TTYH3: variants seen among roughly 807,000 people sequenced by gnomAD.
TTYH3 encodes the protein protein tweety homolog 3.
A neutral mutation model predicts 68.2 loss-of-function variants in TTYH3; 23 were observed. That is an observed-to-expected ratio of 0.34 (90% confidence interval 0.24 to 0.48). TTYH3 has a LOEUF of 0.48. TTYH3 is among the 20% of genes least tolerant of loss of function. The probability of loss-of-function intolerance (pLI) is 0.99; values close to 1 mark genes in which losing one functional copy is unlikely to be tolerated. For missense variants in TTYH3, 768 were observed against 727.7 expected, an observed-to-expected ratio of 1.06 and a Z score of -0.64; for synonymous variants, 360 against 332.8, an observed-to-expected ratio of 1.08 and a Z score of -0.89.
At chr7:2,633,067 G>T (rs1381406125) in intron 1 of TTYH3, among the ~76,000 whole-genome samples, 1 of 152,116 alleles carries the variant, frequency 6.6e-6, no homozygotes, top group African/African-American at 2.4e-5. Context: ...GGAGCCCTTA[G>T]CCTGGCATCA....
At chr7:2,658,842 C>T in intron 12 of TTYH3, 98 bp from the exon 13 acceptor site, 1 of 1,161,452 alleles carries the variant, frequency 8.6e-7, no homozygotes, top group Non-Finnish European at 1.3e-6. Flanking sequence ...ATGGATGTGC[C>T]CATCTGGGCA....
chr7:2,637,086 A>G (rs10263629), intron 1 of TTYH3, among the ~76,000 whole-genome samples: 1,883 of 152,122 alleles, frequency 0.012, 31 homozygotes, highest in African/African-American at 0.044. Context: ...GGGCCACTCC[A>G]GTCTGTGTGT....
chr7:2,656,226 G>C, intron 10 of TTYH3, 42 bp downstream of exon 10: 1 of 1,551,584 alleles, frequency 6.4e-7, no homozygotes, highest in East Asian at 2.4e-5. Context: ...CAGCTTGTAG[G>C]GTGGGAACAG....
At chr7:2,646,079 A>G (rs1269476420) in intron 1 of TTYH3, among the ~76,000 whole-genome samples, 2 of 151,586 alleles carry the variant, frequency 1.3e-5, no homozygotes, top group Non-Finnish European at 2.9e-5. Flanking sequence ...CAGTGGTGCA[A>G]TCTCGGCTCA....
At position 2,647,591 on chromosome 7, in the gene TTYH3, G is replaced by A. The variant is rs763773839; in HGVS notation, c.579G>A (p.Val193=). Reference sequence around the variant, plus strand: ...TCCCCTTTTGGAGGAACACGGCGGTGTCGCTGGAGGTGCTGGCGGAGCAGG... The same window carrying A: ...TCCCCTTTTGGAGGAACACGGCGGTATCGCTGGAGGTGCTGGCGGAGCAGG... ...AAIPFWRNTA[V]SLEVLAEQVD... is the part of the protein sequence containing the mutation. Residue 193 remains valine, a synonymous_variant, in exon 4 of 14, where the codon GTG becomes GTA. Coordinates refer to ENST00000258796, the MANE Select transcript of TTYH3 (RefSeq NM_025250.3). 1.3e-6 allele frequency: 2 copies of A among 1,574,548 alleles called. No individual in the cohort carries two copies. The highest frequency in any genetic ancestry group is 1.7e-6 in the Non-Finnish European group (2 of 1,160,986).
rs942842228 is a variant in TTYH3, at chr7:2,649,812, C to T, written c.796-101C>T. On this transcript the variant is annotated intron_variant, in intron 6 of 13. Transcript: ENST00000258796. ...TAACCCCAGATTCACAGTCCACCCTCCTGAGTTGAAAGCAGACTCCAGGGG... is the reference window on the plus strand; with the variant it reads ...TAACCCCAGATTCACAGTCCACCCTTCTGAGTTGAAAGCAGACTCCAGGGG... 61 of 1,475,610 alleles carry T rather than the reference C, an allele frequency of 4.1e-5. No individual in the cohort carries two copies. In the Admixed American group the frequency reaches 1.0e-3, roughly 24 times the overall value. The allele number at this position is 1,475,610 out of a possible 1,614,324, so 91.4% of individuals were successfully genotyped here. A position where few individuals can be genotyped will look rare whatever the true frequency, so the allele number is the denominator to read the frequency against.
Position 2,658,347 on chromosome 7 carries a change from C to G in TTYH3, c.1312C>G (p.Leu438Val). 3.7e-6 allele frequency: 6 copies of G among 1,609,270 alleles called. No homozygotes were observed. The highest frequency in any genetic ancestry group is 5.1e-6 in the Non-Finnish European group (6 of 1,178,616). ...AGGGCCGCGGCAGGCGCACGACAGCCTCTACCGCGTCCACATGCCCAGCCT... is the reference window on the plus strand; with the variant it reads ...AGGGCCGCGGCAGGCGCACGACAGCGTCTACCGCGTCCACATGCCCAGCCT... ...APGPRQAHDS[L>V]YRVHMPSLYS... Residue 438 changes from leucine to valine, a missense_variant, in exon 12 of 14, where the codon CTC becomes GTC. Physicochemically the swap from Leu to Val is conservative, Grantham distance 32. Coordinates refer to ENST00000258796, the MANE Select transcript of TTYH3 (RefSeq NM_025250.3).
At chr7:2,647,055 G>A (rs1786008054) in intron 2 of TTYH3, 33 bp downstream of exon 2, 3 of 1,289,982 alleles carry the variant, frequency 2.3e-6, no homozygotes, top group East Asian at 2.7e-5. Flanking sequence ...GGAGGGCGGG[G>A]CCAGAGGGGG....
chr7:2,656,348 C>G, intron 10 of TTYH3, 50 bp from the exon 11 acceptor site: 1 of 1,591,684 alleles, frequency 6.3e-7, no homozygotes. Flanking sequence ...CACGCTGCCC[C>G]CTCCACCCTC....
chr7:2,646,486 G>C (rs1056337444), intron 1 of TTYH3, among the ~76,000 whole-genome samples: 2 of 152,326 alleles, frequency 1.3e-5, no homozygotes, highest in South Asian at 2.1e-4. Flanking sequence ...TGGGGCAGAC[G>C]TCCTGAGCAC....
In TTYH3 at chr7:2,647,488, C is replaced by A; in HGVS notation, c.476C>A (p.Ala159Asp). 1 of 1,536,382 alleles carries A rather than the reference C, an allele frequency of 6.5e-7. No individual in the cohort carries two copies. Among genetic ancestry groups the A allele is most frequent in the South Asian group, 1.2e-5 (1 of 83,816 alleles). The change falls in exon 4 of 14, where the codon GCC becomes GAC. Residue 159 changes from alanine to aspartate, a missense_variant. Physicochemically the swap from Ala to Asp is moderately radical, Grantham distance 126 (BLOSUM62 -2). Coordinates refer to ENST00000258796, the MANE Select transcript of TTYH3 (RefSeq NM_025250.3). ...CTGCAGACCCTGGAGCGGCAGCTGG[C>A]CGGGCGGCCCGAGCCCCTGCGAGCC... Reference protein sequence around the residue: ...PSLQTLERQLAGRPEPLRAVQ... With the variant: ...PSLQTLERQLDGRPEPLRAVQ...
chr7:2,661,888 T>G lies in TTYH3; in HGVS notation c.*149T>G. The G allele has an allele frequency of 1.2e-6, 1 of 823,250 alleles. No homozygotes were observed. The highest frequency in any genetic ancestry group is 1.9e-6 in the Non-Finnish European group (1 of 516,804). The allele number at this position is 823,250 out of a possible 1,614,324, so 51.0% of individuals were successfully genotyped here. A position where few individuals can be genotyped will look rare whatever the true frequency, so the allele number is the denominator to read the frequency against. ...GCAGGCCGCTTGCCCTCCTGTCCCC[T>G]CCCCGCAGGGGCACAGTGGAGACGC... On this transcript the variant is annotated 3_prime_UTR_variant, in exon 14 of 14. Coordinates refer to ENST00000258796, the MANE Select transcript of TTYH3 (RefSeq NM_025250.3).
At chr7:2,640,900 C>T (rs1785823906) in intron 1 of TTYH3, among the ~76,000 whole-genome samples, 1 of 152,246 alleles carries the variant, frequency 6.6e-6, no homozygotes, top group African/African-American at 2.4e-5. Context: ...GGGGGTCTCG[C>T]CTTACAAGTG....
chr7:2,638,972 C>A lies in TTYH3; in HGVS notation c.123+6694C>A, dbSNP rs539750454. On this transcript the variant is annotated intron_variant, in intron 1 of 13. Transcript: ENST00000258796. ...CCGAGCCCACCCTGGCCTCCCCAAA[C>A]AAGTCTGGGCCCTAGGGATCCCGCC... Among the ~76,000 whole-genome samples, 13 of 152,238 alleles carry A rather than the reference C, an allele frequency of 8.5e-5. No homozygotes were observed. In the South Asian group the frequency reaches 2.7e-3, roughly 32 times the overall value.
chr7:2,653,818 A>G (rs1334572398), intron 9 of TTYH3, among the ~76,000 whole-genome samples: 1 of 152,180 alleles, frequency 6.6e-6, no homozygotes, highest in Admixed American at 6.5e-5. Context: ...AGCGGAGATC[A>G]CGCCACTGCA....
chr7:2,648,529 TC>T (rs1288834110), intron 5 of TTYH3: 2 of 156,544 alleles, frequency 1.3e-5, no homozygotes, highest in Non-Finnish European at 2.8e-5. Context: ...CGGCAGCTCC[TC>T]TGTGGGAGGT....
At chr7:2,639,866 C>A (rs1010908391) in intron 1 of TTYH3, among the ~76,000 whole-genome samples, 16 of 152,276 alleles carry the variant, frequency 1.1e-4, no homozygotes, top group Non-Finnish European at 1.9e-4. Context: ...TCTGCCCACC[C>A]CTTCTCTGGC....
intron 13 of TTYH3, chr7:2,660,596 A>T: frequency 1.1e-6 from 1 of 935,846 alleles, no homozygotes; most frequent in Non-Finnish European, 1.2e-6. Context: ...CTTGTGCTGC[A>T]TGTCAGTGGA....
At chr7:2,651,674 C>T (rs969078320) in intron 7 of TTYH3, among the ~76,000 whole-genome samples, 3 of 152,264 alleles carry the variant, frequency 2.0e-5, no homozygotes, top group East Asian at 1.9e-4. Flanking sequence ...ACTGCACAGG[C>T]GGCCACAGTG....
Sources: allele counts gnomAD v4.1 joint callset (sites outside exome capture counted in the v4.1 genomes callset), GRCh38; gene constraint gnomAD v4.1.1; transcripts MANE v1.5; gene names NCBI Gene and HGNC (gene_info 2026-07-23, HGNC 2026-07-21).